Variants in ZC3H12C observed in about 807,000 individuals in gnomAD.
ZC3H12C encodes the protein zinc finger CCCH-type containing 12C, also known as probable ribonuclease ZC3H12C.
ZC3H12C carries 20 observed loss-of-function variants against 76.3 expected under a neutral mutation model. The ratio of observed to expected loss-of-function variants is 0.26; its 90% CI spans 0.18 to 0.38. ZC3H12C has a LOEUF of 0.38. Among genes scored for constraint, ZC3H12C ranks in the 10% least tolerant of loss-of-function variants. ZC3H12C has a pLI of 1.00. For synonymous variants in ZC3H12C, 352 were observed against 399.6 expected (o/e 0.88, Z 1.42); for missense variants, 874 against 1,086.5 (o/e 0.80, Z 2.75).
intron 2 of ZC3H12C, among the ~76,000 whole-genome samples, chr11:110,143,658 AACAC>A (rs1301241994): frequency 6.6e-6 from 1 of 152,092 alleles, no homozygotes; most frequent in African/African-American, 2.4e-5. Context: ...TATTTTTAAA[AACAC>A]ACACACGTAT....
At chr11:110,112,514 T>C (rs1289678035) in intron 1 of ZC3H12C, among the ~76,000 whole-genome samples, 2 of 152,066 alleles carry the variant, frequency 1.3e-5, no homozygotes, top group Non-Finnish European at 2.9e-5. Flanking sequence ...TGATTTTTGG[T>C]GGAAGAGATA....
rs7126756 is a variant in ZC3H12C at position 110,136,230 on chromosome 11, G to T, written c.22-433G>T. 663 of 153,812 alleles carry T rather than the reference G, an allele frequency of 4.3e-3. 5 individuals are homozygous for T. Among genetic ancestry groups the T allele is most frequent in the African/African-American group, 0.015 (633 of 41,574 alleles). 9.5% of individuals were successfully genotyped at this position (153,812 alleles called of 1,614,324 possible). A position where few individuals can be genotyped will look rare whatever the true frequency, so the allele number is the denominator to read the frequency against. ...ATATTTATAGATACTTATGAATTCT[G>T]TTAGAGAAAAATGTAAATTTTAACC... On this transcript the variant is annotated intron_variant, in intron 1 of 5. Transcript: ENST00000278590.
At chr11:110,130,997 A>G (rs1416376584) in intron 1 of ZC3H12C, 6 of 1,531,394 alleles carry the variant, frequency 3.9e-6, no homozygotes, top group Non-Finnish European at 5.2e-6. Flanking sequence ...CATCTGTTCA[A>G]CCATTCATTG....
chr11:110,152,863 A>G, intron 2 of ZC3H12C, 56 bp from the exon 3 acceptor site: 1 of 1,550,334 alleles, frequency 6.5e-7, no homozygotes, highest in East Asian at 2.3e-5. Context: ...AACTTGAATT[A>G]ATTTACTTAA....
chr11:110,130,443 T>C (rs1301512529), intron 1 of ZC3H12C, among the ~76,000 whole-genome samples: 2 of 152,212 alleles, frequency 1.3e-5, no homozygotes, highest in Non-Finnish European at 2.9e-5. Context: ...TTTTCCACTA[T>C]TTCCAGGGAA....
intron 1 of ZC3H12C, among the ~76,000 whole-genome samples, chr11:110,114,092 A>G (rs1861481844): frequency 6.6e-6 from 1 of 152,190 alleles, no homozygotes; most frequent in African/African-American, 2.4e-5. Context: ...TGAACCAGCC[A>G]CATCCTGACT....
At chr11:110,117,797 T>A (rs1335897866) in intron 1 of ZC3H12C, among the ~76,000 whole-genome samples, 1 of 132,816 alleles carries the variant, frequency 7.5e-6, no homozygotes, top group East Asian at 2.2e-4. Context: ...ATATATATAT[T>A]ATATATACAC....
intron 3 of ZC3H12C, among the ~76,000 whole-genome samples, chr11:110,157,931 T>A (rs1038287560): frequency 1.3e-5 from 2 of 152,148 alleles, no homozygotes; most frequent in African/African-American, 4.8e-5. Context: ...CAGGAAGGTA[T>A]GTAATAATCA....
intron 1 of ZC3H12C, among the ~76,000 whole-genome samples, chr11:110,106,780 G>A (rs11213266): frequency 0.11 from 16,749 of 152,128 alleles, 1,401 homozygotes; most frequent in East Asian, 0.44. Context: ...ACCCTTTAAT[G>A]TACTGTTAGA....
At chr11:110,152,461 A>T (rs1457657091) in intron 2 of ZC3H12C, among the ~76,000 whole-genome samples, 1 of 152,244 alleles carries the variant, frequency 6.6e-6, no homozygotes, top group East Asian at 1.9e-4. Context: ...TGAGTATTGA[A>T]ATATACACTA....
At chr11:110,144,944 G>A (rs564243720) in intron 2 of ZC3H12C, among the ~76,000 whole-genome samples, 23 of 152,136 alleles carry the variant, frequency 1.5e-4, no homozygotes, top group African/African-American at 5.5e-4. Flanking sequence ...CTAGTTAATG[G>A]TATCTGTATA....
rs1007367602 is a variant in ZC3H12C, at chr11:110,137,020, G to C, written c.379G>C (p.Glu127Gln). 10 of 1,613,720 alleles carry C rather than the reference G, an allele frequency of 6.2e-6. No individual in the cohort carries two copies. The highest frequency in any genetic ancestry group is 3.4e-6 in the Non-Finnish European group (4 of 1,179,876). ...HRQLCRSPCL[E>Q]PHILKRNEIL... ...ACAGCTCTGCAGGTCTCCCTGTTTA[G>C]AGCCTCACATACTCAAGCGCAATGA... is the stretch of plus-strand genomic sequence containing the variant. Residue 127 changes from glutamate (E) to glutamine (Q), a missense_variant, in exon 2 of 6, where the codon GAG (glutamate) becomes CAG (glutamine). By Grantham distance (29) the Glu-to-Gln change is conservative. Transcript: ENST00000278590.
At chr11:110,135,970 A>T (rs932634696) in intron 1 of ZC3H12C, 2 of 152,230 alleles carry the variant, frequency 1.3e-5, no homozygotes, top group Non-Finnish European at 2.9e-5. Context: ...TATGTTCCAT[A>T]GTCAAAAAAT....
chr11:110,102,277 T>C (rs971481271), intron 1 of ZC3H12C, among the ~76,000 whole-genome samples: 1 of 149,402 alleles, frequency 6.7e-6, no homozygotes, highest in Non-Finnish European at 1.5e-5. Context: ...ATCAGGAATA[T>C]TTGTGATTCA....
chr11:110,139,606 G>A (rs1031830388), intron 2 of ZC3H12C, among the ~76,000 whole-genome samples: 1 of 152,096 alleles, frequency 6.6e-6, no homozygotes, highest in Non-Finnish European at 1.5e-5. Flanking sequence ...TCCCAAACTT[G>A]ACCACAAAAT....
chr11:110,110,534 G>A (rs1379334192), intron 1 of ZC3H12C, among the ~76,000 whole-genome samples: 1 of 152,118 alleles, frequency 6.6e-6, no homozygotes, highest in Non-Finnish European at 1.5e-5. Flanking sequence ...CCTGCTTATG[G>A]ATGGAATGAA....
intron 1 of ZC3H12C, among the ~76,000 whole-genome samples, chr11:110,135,419 G>A (rs1025526565): frequency 1.3e-5 from 2 of 150,614 alleles, no homozygotes; most frequent in African/African-American, 4.9e-5. Context: ...GAATATGGGA[G>A]GCAGAGTTTG....
intron 1 of ZC3H12C, among the ~76,000 whole-genome samples, chr11:110,119,723 C>T (rs1001849971): frequency 6.6e-6 from 1 of 152,184 alleles, no homozygotes; most frequent in Non-Finnish European, 1.5e-5. Context: ...CTGGCAGCTT[C>T]GATGTCTGGT....
At position 110,171,363 on chromosome 11, in the gene ZC3H12C, C is replaced by G. The variant is rs1026325376; in HGVS notation, c.*5626C>G. ...TCTTTTCCTTTCAGGGTTTTGTCCT[C>G]CCAAACCAGAGTCATATGCTGCTAG... On this transcript the variant is annotated 3_prime_UTR_variant, in exon 6 of 6. Coordinates refer to ENST00000278590, the MANE Select transcript of ZC3H12C (RefSeq NM_033390.2). 6.6e-6 allele frequency: 1 copy of G among 152,136 alleles called. No individual in the cohort carries two copies. Among genetic ancestry groups the G allele is most frequent in the African/African-American group, 2.4e-5 (1 of 41,428 alleles). 9.4% of individuals were successfully genotyped at this position (152,136 alleles called of 1,614,324 possible).
Sources: allele counts gnomAD v4.1 joint callset (sites outside exome capture counted in the v4.1 genomes callset), GRCh38; gene constraint gnomAD v4.1.1; transcripts MANE v1.5; gene names NCBI Gene and HGNC (gene_info 2026-07-23, HGNC 2026-07-21).